Variants in FRMPD2 observed in about 807,000 individuals in gnomAD.
FRMPD2 encodes the protein FERM and PDZ domain containing 2.
Under a neutral mutation model 140.1 loss-of-function variants are expected in FRMPD2, and 96 were observed. The ratio of observed to expected loss-of-function variants is 0.69; its 90% CI spans 0.58 to 0.81. The LOEUF (loss-of-function observed/expected upper bound fraction) is 0.81. FRMPD2 is among the 40% of genes least tolerant of loss of function. The pLI is 0.00. For missense variants in FRMPD2, 1,240 were observed against 1,447.4 expected, an observed-to-expected ratio of 0.86 and a Z score of 2.32; for synonymous variants, 449 against 547.6, an observed-to-expected ratio of 0.82 and a Z score of 2.52.
At chr10:48,163,926 T>G (rs1359719970) in intron 27 of FRMPD2, among the ~76,000 whole-genome samples, 1 of 151,216 alleles carries the variant, frequency 6.6e-6, no homozygotes, top group Non-Finnish European at 1.5e-5. Flanking sequence ...TTTGCAAAAT[T>G]TAGACAAAGA....
chr10:48,202,188 C>T (rs1292898623), intron 14 of FRMPD2, among the ~76,000 whole-genome samples: 1 of 152,068 alleles, frequency 6.6e-6, no homozygotes, highest in Admixed American at 6.5e-5. Context: ...AATATTAATT[C>T]ATATAAAACT....
rs1280049314 is a variant in FRMPD2 at position 48,216,346 on chromosome 10, T to G, written c.1456-4237A>C. ...TAGATAGATGATAAATAGATGGATATCTTATCAGTTCTGTTTCTCTAGAGA... is the reference window on the plus strand; with the variant it reads ...TAGATAGATGATAAATAGATGGATAGCTTATCAGTTCTGTTTCTCTAGAGA... On this transcript the variant is annotated intron_variant, in intron 12 of 28. Transcript: ENST00000374201. 2.6e-5 allele frequency among the ~76,000 whole-genome samples: 4 copies of G among 151,642 alleles called. No homozygotes were observed. In the East Asian group the frequency reaches 7.8e-4, roughly 29 times the overall value.
intron 1 of FRMPD2, among the ~76,000 whole-genome samples, chr10:48,254,789 AC>A: frequency 6.6e-6 from 1 of 152,222 alleles, no homozygotes; most frequent in East Asian, 1.9e-4. Context: ...CACAGCTTGG[AC>A]TTGGGTTTAC....
At chr10:48,262,572 A>G (rs999056855) in intron 1 of FRMPD2, among the ~76,000 whole-genome samples, 1 of 152,186 alleles carries the variant, frequency 6.6e-6, no homozygotes, top group African/African-American at 2.4e-5. Flanking sequence ...TCTATCAGGG[A>G]TTAACAGATC....
Position 48,160,169 on chromosome 10 carries a change from G to A in FRMPD2, c.3882-2799C>T, listed in dbSNP as rs566333968. Among the ~76,000 whole-genome samples the A allele has an allele frequency of 2.5e-3, 384 of 151,658 alleles. 12 individuals carry two copies. The highest frequency in any genetic ancestry group is 4.1e-3 in the Non-Finnish European group (276 of 67,888). On this transcript the variant is annotated intron_variant, in intron 28 of 28. Coordinates refer to ENST00000374201, the MANE Select transcript of FRMPD2 (RefSeq NM_001018071.4). ...GCCAAGCTTTCCCTCTGATAGGCAC[G>A]TAATCCAACTCTCCTTCATAAAAAT... is the stretch of plus-strand genomic sequence containing the variant.
intron 12 of FRMPD2, among the ~76,000 whole-genome samples, chr10:48,219,023 C>T (rs1013693123): frequency 6.6e-6 from 1 of 152,094 alleles, no homozygotes; most frequent in Non-Finnish European, 1.5e-5. Flanking sequence ...AAAAAGTATC[C>T]AGAGGGTCCA....
intron 9 of FRMPD2, among the ~76,000 whole-genome samples, chr10:48,236,011 C>T (rs1026181030): frequency 4.6e-5 from 7 of 152,124 alleles, no homozygotes; most frequent in African/African-American, 1.7e-4. Context: ...CTCCCTCCTA[C>T]CACCTGCCAT....
chr10:48,181,622 G>A (rs1564416969), intron 20 of FRMPD2, among the ~76,000 whole-genome samples: 1 of 151,894 alleles, frequency 6.6e-6, no homozygotes, highest in Non-Finnish European at 1.5e-5. Flanking sequence ...TGTCTGACTC[G>A]TGACCTGGCA....
chr10:48,206,526 A>G (rs1366967993), intron 14 of FRMPD2, among the ~76,000 whole-genome samples: 1 of 152,166 alleles, frequency 6.6e-6, no homozygotes, highest in Non-Finnish European at 1.5e-5. Context: ...CAGGCAAGGA[A>G]TGTTAGGGAA....
In FRMPD2 at chr10:48,200,680, C is replaced by A. The variant is rs1192749859; in HGVS notation, c.1954+548G>T. On this transcript the variant is annotated intron_variant, in intron 15 of 28. Coordinates refer to ENST00000374201, the MANE Select transcript of FRMPD2 (RefSeq NM_001018071.4). ...AGAAAGTGTCATTGGACGGTGCTAG[C>A]TAGATACAGTCTTAGAACTTCCTTT... Among the ~76,000 whole-genome samples the A allele has an allele frequency of 2.0e-5, 3 of 152,234 alleles. No individual in the cohort carries two copies. In the East Asian group the frequency reaches 5.8e-4, roughly 29 times the overall value.
At chr10:48,256,666 T>C (rs1840496654) in intron 1 of FRMPD2, among the ~76,000 whole-genome samples, 1 of 152,112 alleles carries the variant, frequency 6.6e-6, no homozygotes, top group South Asian at 2.1e-4. Context: ...AAGGTGCCAC[T>C]GCCCAGGAAG....
chr10:48,190,944 A>G (rs888416632), intron 16 of FRMPD2, among the ~76,000 whole-genome samples: 2 of 152,200 alleles, frequency 1.3e-5, no homozygotes, highest in Non-Finnish European at 2.9e-5. Flanking sequence ...TAAACAATGA[A>G]GTGCTATAAG....
chr10:48,236,850 T>C (rs928457637), intron 8 of FRMPD2, among the ~76,000 whole-genome samples: 15 of 152,208 alleles, frequency 9.9e-5, no homozygotes, highest in African/African-American at 2.9e-4. Flanking sequence ...ATCTTTTGTA[T>C]GTATCAAAAG....
Position 48,242,296 on chromosome 10 carries a change from C to CTGGTCTTCA in FRMPD2, c.423_431dup (p.Asp143_Gln144insHisGluAsp). ...ACTGCAACGTGCACCGCCTGTGAGG[C>CTGGTCTTCA]TGGTCTTCACACATGGTCAGCAGGA... On this transcript the variant is annotated inframe_insertion, in exon 5 of 29. Transcript: ENST00000374201. The CTGGTCTTCA allele has an allele frequency of 6.2e-7, 1 of 1,614,192 alleles. No homozygotes were observed. The highest frequency in any genetic ancestry group is 8.5e-7 in the Non-Finnish European group (1 of 1,180,022).
intron 21 of FRMPD2, among the ~76,000 whole-genome samples, chr10:48,180,400 A>G (rs1838515343): frequency 6.6e-6 from 1 of 152,170 alleles, no homozygotes; most frequent in South Asian, 2.1e-4. Context: ...TATGGTCAAG[A>G]GCAAAGCCAC....
chr10:48,199,962 T>C (rs1839043726), intron 15 of FRMPD2: 1 of 152,104 alleles, frequency 6.6e-6, no homozygotes, highest in Non-Finnish European at 1.5e-5. Context: ...TTCTAGATAA[T>C]GGAGCTCTCC....
intron 14 of FRMPD2, among the ~76,000 whole-genome samples, chr10:48,203,409 T>C (rs1213132410): frequency 2.0e-5 from 3 of 152,198 alleles, no homozygotes; most frequent in African/African-American, 7.2e-5. Context: ...CGATGATGTA[T>C]AACTCCAGTC....
At chr10:48,235,387 G>T (rs528004933) in intron 9 of FRMPD2, among the ~76,000 whole-genome samples, 1 of 152,334 alleles carries the variant, frequency 6.6e-6, no homozygotes, top group South Asian at 2.1e-4. Context: ...CATCCCACGT[G>T]CACTGACCAG....
intron 12 of FRMPD2, among the ~76,000 whole-genome samples, chr10:48,216,918 C>T (rs937100566): frequency 6.6e-6 from 1 of 152,114 alleles, no homozygotes; most frequent in Non-Finnish European, 1.5e-5. Flanking sequence ...TGAAAAGGGC[C>T]CCAGGCCTGG....
Sources: allele counts gnomAD v4.1 joint callset (sites outside exome capture counted in the v4.1 genomes callset), GRCh38; gene constraint gnomAD v4.1.1; transcripts MANE v1.5; gene names NCBI Gene and HGNC (gene_info 2026-07-23, HGNC 2026-07-21).